AGBL4: variants seen among roughly 807,000 people sequenced by gnomAD.
The protein encoded by AGBL4 is cytosolic carboxypeptidase 6.
Under a neutral mutation model 66.4 loss-of-function variants are expected in AGBL4, and 58 were observed. The observed-to-expected ratio is 0.87, with a 90% CI of 0.71 to 1.09. AGBL4 has a LOEUF of 1.09. AGBL4 is among the 50% of genes least tolerant of loss of function. The pLI is 0.00. For missense variants in AGBL4, 579 were observed against 631.0 expected (o/e 0.92, Z 0.88); for synonymous variants, 234 against 222.9 (o/e 1.05, Z -0.44).
intron 4 of AGBL4, among the ~76,000 whole-genome samples, chr1:49,049,919 A>G (rs541884810): frequency 1.3e-5 from 2 of 152,186 alleles, no homozygotes; most frequent in African/African-American, 4.8e-5. Context: ...AGTACTTTAT[A>G]ATGTATTTTC....
At chr1:49,279,452 C>G (rs1299900713) in intron 3 of AGBL4, among the ~76,000 whole-genome samples, 3 of 152,046 alleles carry the variant, frequency 2.0e-5, no homozygotes, top group Non-Finnish European at 2.9e-5. Flanking sequence ...GAACACCTTT[C>G]AGTGGATTTT....
chr1:49,945,294 G>T, intron 1 of AGBL4, among the ~76,000 whole-genome samples: 1 of 152,002 alleles, frequency 6.6e-6, no homozygotes, highest in Non-Finnish European at 1.5e-5. Context: ...ACAAAGGAAA[G>T]AATTTTACAA....
intron 7 of AGBL4, among the ~76,000 whole-genome samples, chr1:48,657,005 G>A (rs927337557): frequency 3.3e-5 from 5 of 152,128 alleles, no homozygotes; most frequent in African/African-American, 4.8e-5. Flanking sequence ...GAGTGCCAGC[G>A]GAAGGTATCC....
intron 3 of AGBL4, among the ~76,000 whole-genome samples, chr1:49,576,486 C>A (rs1402806159): frequency 6.6e-6 from 1 of 152,178 alleles, no homozygotes; most frequent in Non-Finnish European, 1.5e-5. Flanking sequence ...CATAACTACT[C>A]TCTTTGTGAG....
chr1:49,110,994 T>C (rs1645395299), intron 4 of AGBL4, among the ~76,000 whole-genome samples: 1 of 152,092 alleles, frequency 6.6e-6, no homozygotes, highest in Non-Finnish European at 1.5e-5. Flanking sequence ...AATGTAAGCC[T>C]CCTCCCCCCA....
chr1:49,650,248 C>G (rs557430723), intron 3 of AGBL4, among the ~76,000 whole-genome samples: 1 of 152,048 alleles, frequency 6.6e-6, no homozygotes, highest in Non-Finnish European at 1.5e-5. Context: ...TCTGTGAGAG[C>G]CCATAGGAAA....
At chr1:49,486,712 C>A (rs142196005) in intron 3 of AGBL4, among the ~76,000 whole-genome samples, 1 of 151,990 alleles carries the variant, frequency 6.6e-6, no homozygotes, top group East Asian at 1.9e-4. Context: ...TCTAGAAAAA[C>A]GTCGGCGTAA....
intron 3 of AGBL4, among the ~76,000 whole-genome samples, chr1:49,426,801 T>G (rs1645670009): frequency 6.6e-6 from 1 of 152,160 alleles, no homozygotes; most frequent in African/African-American, 2.4e-5. Context: ...CTTCTACCTT[T>G]CCTGTGTCCT....
chr1:48,818,879 G>T (rs946831971), intron 6 of AGBL4, among the ~76,000 whole-genome samples: 1 of 152,124 alleles, frequency 6.6e-6, no homozygotes, highest in Non-Finnish European at 1.5e-5. Flanking sequence ...TGATTGGCAA[G>T]CAGAGGAAAT....
chr1:48,640,800 T>C (rs1438797648), intron 8 of AGBL4, among the ~76,000 whole-genome samples: 1 of 152,196 alleles, frequency 6.6e-6, no homozygotes, highest in African/African-American at 2.4e-5. Context: ...GTTTGCCCAA[T>C]AGCAGAGATA....
At chr1:49,827,581 T>C (rs1645544321) in intron 2 of AGBL4, among the ~76,000 whole-genome samples, 1 of 152,212 alleles carries the variant, frequency 6.6e-6, no homozygotes, top group Admixed American at 6.5e-5. Flanking sequence ...AAGGCAGTGT[T>C]ATTCAAAATT....
chr1:49,827,716 T>C (rs1286006665), intron 2 of AGBL4, among the ~76,000 whole-genome samples: 1 of 152,156 alleles, frequency 6.6e-6, no homozygotes, highest in Non-Finnish European at 1.5e-5. Flanking sequence ...TCTAGTTCAA[T>C]AGGGTGTAAA....
chr1:48,815,091 C>A (rs1289828766), intron 6 of AGBL4, among the ~76,000 whole-genome samples: 1 of 152,096 alleles, frequency 6.6e-6, no homozygotes, highest in African/African-American at 2.4e-5. Context: ...ATAATAGCCA[C>A]CCTCATGGGT....
At chr1:49,854,209 T>C (rs1397127803) in intron 1 of AGBL4, among the ~76,000 whole-genome samples, 1 of 150,080 alleles carries the variant, frequency 6.7e-6, no homozygotes, top group Non-Finnish European at 1.5e-5. Flanking sequence ...AAGGGGCAAG[T>C]GTCAGGCCCC....
chr1:48,587,495 G>A (rs565218831), intron 10 of AGBL4, among the ~76,000 whole-genome samples: 121 of 151,998 alleles, frequency 8.0e-4, no homozygotes, highest in Non-Finnish European at 1.5e-3. Flanking sequence ...TGGCATGGTG[G>A]TGTGCACCTG....
At chr1:49,557,453 G>T (rs1643931382) in intron 3 of AGBL4, among the ~76,000 whole-genome samples, 1 of 152,152 alleles carries the variant, frequency 6.6e-6, no homozygotes, top group Admixed American at 6.6e-5. Context: ...GCATAATTCA[G>T]AGTGTCTCTG....
At chr1:49,370,506 C>A (rs1359755954) in intron 3 of AGBL4, among the ~76,000 whole-genome samples, 6 of 152,116 alleles carry the variant, frequency 3.9e-5, no homozygotes, top group Admixed American at 3.3e-4. Context: ...TTATTGTGGG[C>A]AACCTCCTTT....
In AGBL4 at chr1:49,064,613, G is replaced by A. The variant is rs537780332; in HGVS notation, c.378-18813C>T. On this transcript the variant is annotated intron_variant, in intron 4 of 13. Transcript: ENST00000371839. ...TCTTTTTTCTAAGTTAAACGAAATA[G>A]ATTTATATTCTTACAAATTAAAGAA... Among the ~76,000 whole-genome samples, 9 of 152,154 alleles carry A rather than the reference G, an allele frequency of 5.9e-5. No individual in the cohort carries two copies. The South Asian group carries it at 1.9e-3, about 32-fold the overall frequency.
chr1:49,968,648 A>G (rs566275283), intron 1 of AGBL4, among the ~76,000 whole-genome samples: 1 of 152,310 alleles, frequency 6.6e-6, no homozygotes, highest in South Asian at 2.1e-4. Flanking sequence ...GTTCTAGCCC[A>G]TTAATGTAAA....
Sources: gnomAD v4.1 joint callset for allele counts (sites outside exome capture counted in the v4.1 genomes callset) on GRCh38, gnomAD v4.1.1 for gene constraint, MANE v1.5 for transcripts, NCBI Gene and HGNC (gene_info 2026-07-23, HGNC 2026-07-21) for gene names.